The following SLC39A11 variants were observed in gnomAD, a reference collection of about 807,000 sequenced individuals.
The protein encoded by SLC39A11 is zinc transporter ZIP11.
A neutral mutation model predicts 36.1 loss-of-function variants in SLC39A11; 33 were observed. That is an observed-to-expected ratio of 0.91 (90% CI 0.69 to 1.22). SLC39A11 has a LOEUF of 1.22. SLC39A11 is among the 50% of genes most tolerant of loss of function. The pLI, the probability that SLC39A11 is intolerant of heterozygous loss-of-function variation, is 0.00. For missense variants in SLC39A11, 432 were observed against 430.3 expected, an observed-to-expected ratio of 1.00 and a Z score of -0.03; for synonymous variants, 166 against 170.3, an observed-to-expected ratio of 0.97 and a Z score of 0.20.
At chr17:72,856,600 T>C (rs2079652025) in intron 5 of SLC39A11, among the ~76,000 whole-genome samples, 1 of 152,212 alleles carries the variant, frequency 6.6e-6, no homozygotes, top group African/African-American at 2.4e-5. Context: ...AAAAAAGTAT[T>C]ACCTGCTTTC....
At chr17:72,882,753 C>T in intron 5 of SLC39A11, among the ~76,000 whole-genome samples, 1 of 151,182 alleles carries the variant, frequency 6.6e-6, no homozygotes, top group South Asian at 2.1e-4. Flanking sequence ...AACTGCTTTT[C>T]TCAATTAAAC....
intron 5 of SLC39A11, among the ~76,000 whole-genome samples, chr17:72,890,973 T>A (rs2081708822): frequency 6.6e-6 from 1 of 151,916 alleles, no homozygotes; most frequent in South Asian, 2.1e-4. Flanking sequence ...CTGGATTTGA[T>A]GTTTAGTGGG....
At chr17:72,914,460 A>T (rs72850904) in intron 5 of SLC39A11, among the ~76,000 whole-genome samples, 21,746 of 152,168 alleles carry the variant, frequency 0.14, 1,881 homozygotes, top group Non-Finnish European at 0.2. Context: ...AGAATATGGG[A>T]GGATGTGCAT....
chr17:72,887,263 G>C (rs868672067), intron 5 of SLC39A11, among the ~76,000 whole-genome samples: 2 of 152,190 alleles, frequency 1.3e-5, no homozygotes, highest in South Asian at 2.1e-4. Context: ...ATCAACCGCA[G>C]TGGAAAGCTG....
chr17:72,751,594 T>C (rs2075159075), intron 6 of SLC39A11, among the ~76,000 whole-genome samples: 1 of 152,068 alleles, frequency 6.6e-6, no homozygotes, highest in Non-Finnish European at 1.5e-5. Context: ...TGGTTTTTTT[T>C]TGAGACAGAG....
At chr17:72,808,064 C>A (rs996295471) in intron 6 of SLC39A11, among the ~76,000 whole-genome samples, 5 of 152,104 alleles carry the variant, frequency 3.3e-5, no homozygotes, top group Non-Finnish European at 7.4e-5. Context: ...AAAAAAATAC[C>A]CACATCTTTG....
At chr17:72,920,962 G>C (rs2083634651) in intron 5 of SLC39A11, among the ~76,000 whole-genome samples, 1 of 152,016 alleles carries the variant, frequency 6.6e-6, no homozygotes, top group Non-Finnish European at 1.5e-5. Flanking sequence ...TATGTATTTT[G>C]CTCATTTAGA....
intron 4 of SLC39A11, among the ~76,000 whole-genome samples, chr17:73,008,043 C>A (rs2090281260): frequency 6.6e-6 from 1 of 150,948 alleles, no homozygotes; most frequent in Admixed American, 6.6e-5. Flanking sequence ...GTAGAAGGTG[C>A]AGCAAGCCAA....
intron 6 of SLC39A11, among the ~76,000 whole-genome samples, chr17:72,799,913 C>T (rs189553106): frequency 7.0e-4 from 106 of 151,910 alleles, no homozygotes; most frequent in African/African-American, 2.4e-3. Flanking sequence ...TCTTACACCC[C>T]CTCCCCTTTT....
chr17:72,741,464 CAAT>C (rs1266118758), intron 6 of SLC39A11, among the ~76,000 whole-genome samples: 1 of 152,060 alleles, frequency 6.6e-6, no homozygotes, highest in Admixed American at 6.6e-5. Flanking sequence ...TTACAGTAAT[CAAT>C]GATAGACTAG....
intron 4 of SLC39A11, among the ~76,000 whole-genome samples, chr17:73,020,680 C>T (rs531930470): frequency 3.9e-4 from 39 of 98,872 alleles, no homozygotes; most frequent in East Asian, 9.7e-4. Context: ...TTGTTTCTTT[C>T]TTTTTTTTTT....
chr17:72,690,613 A>AT (rs1443228804), intron 7 of SLC39A11, among the ~76,000 whole-genome samples: 1 of 152,238 alleles, frequency 6.6e-6, no homozygotes, highest in African/African-American at 2.4e-5. Context: ...GTAAGAGAGT[A>AT]TTTTGTGAAC....
chr17:73,081,717 A>G, intron 3 of SLC39A11, among the ~76,000 whole-genome samples: 1 of 139,636 alleles, frequency 7.2e-6, no homozygotes, highest in African/African-American at 2.6e-5. Flanking sequence ...ATATACACAT[A>G]TATGTATATA....
chr17:72,745,444 C>A (rs2074893762), intron 6 of SLC39A11, among the ~76,000 whole-genome samples: 2 of 152,182 alleles, frequency 1.3e-5, no homozygotes, highest in African/African-American at 4.8e-5. Context: ...GGTAGGAACT[C>A]CAGGGCTGTC....
intron 4 of SLC39A11, among the ~76,000 whole-genome samples, chr17:72,995,884 C>T (rs1223785157): frequency 6.6e-6 from 1 of 152,114 alleles, no homozygotes; most frequent in African/African-American, 2.4e-5. Flanking sequence ...GACTAATATA[C>T]TCCTCAAGCC....
Position 72,976,521 on chromosome 17 carries a change from C to T in SLC39A11, c.307-28646G>A, listed in dbSNP as rs148331433. 7.5e-3 allele frequency among the ~76,000 whole-genome samples: 1,138 copies of T among 152,182 alleles called. 25 individuals are homozygous for T. The highest frequency in any genetic ancestry group is 0.044 in the Admixed American group (676 of 15,282). On this transcript the variant is annotated intron_variant, in intron 4 of 9. Transcript: ENST00000255559. Reference sequence around the variant, plus strand: ...ACAACCACTGCTGGGAAAATGACACCGAGGGGGAAAATCCTCATTTGCAGA... The same window carrying T: ...ACAACCACTGCTGGGAAAATGACACTGAGGGGGAAAATCCTCATTTGCAGA...
intron 3 of SLC39A11, among the ~76,000 whole-genome samples, chr17:73,082,012 G>A (rs2060553318): frequency 6.7e-6 from 1 of 148,156 alleles, no homozygotes; most frequent in Admixed American, 6.9e-5. Context: ...TGGGGACAGT[G>A]TACATTGCTT....
chr17:72,891,149 G>T (rs1567893920), intron 5 of SLC39A11, among the ~76,000 whole-genome samples: 1 of 151,980 alleles, frequency 6.6e-6, no homozygotes, highest in Non-Finnish European at 1.5e-5. Flanking sequence ...GACATATGAG[G>T]CTGGGCTCAC....
chr17:72,714,099 T>C (rs145989846), intron 7 of SLC39A11, among the ~76,000 whole-genome samples: 59 of 152,190 alleles, frequency 3.9e-4, no homozygotes, highest in Non-Finnish European at 1.5e-5. Context: ...CTAAAGCCTG[T>C]AATCCCAGCA....
Sources: gnomAD v4.1 joint callset for allele counts (sites outside exome capture counted in the v4.1 genomes callset) on GRCh38, gnomAD v4.1.1 for gene constraint, MANE v1.5 for transcripts, NCBI Gene and HGNC (gene_info 2026-07-23, HGNC 2026-07-21) for gene names.